CEP135: variants seen among roughly 807,000 people sequenced by gnomAD.
The protein encoded by CEP135 is centrosomal protein 135.
A neutral mutation model predicts 157.3 loss-of-function variants in CEP135; 142 were observed. The observed-to-expected ratio is 0.90, with a 90% CI of 0.79 to 1.04. CEP135 has a LOEUF of 1.04. Among genes scored for constraint, CEP135 ranks in the 50% least tolerant of loss-of-function variants. The pLI is 0.00. For missense variants in CEP135, 1,317 were observed against 1,309.2 expected (o/e 1.01, Z -0.09); for synonymous variants, 396 against 439.8 (o/e 0.90, Z 1.25).
chr4:55,964,362 A>G lies in CEP135; in HGVS notation c.788A>G (p.Asn263Ser), dbSNP rs762997285. Residue 263 changes from asparagine (N) to serine (S), a missense_variant, in exon 7 of 26, where the codon AAT becomes AGT. Transcript: ENST00000257287. The stretch of plus-strand genomic sequence containing the variant: ...GATGTCCTTTCTCTGGAGTCTAGAA[A>G]TAAAACCAATGAAAAGCTTATTGCT... ...SPDVLSLESR[N>S]KTNEKLIAHL... 1.9e-6 allele frequency: 3 copies of G among 1,611,876 alleles called. No homozygotes were observed. Among genetic ancestry groups the G allele is most frequent in the Non-Finnish European group, 2.5e-6 (3 of 1,178,460 alleles).
chr4:55,972,821 C>T (rs967337555), intron 10 of CEP135, among the ~76,000 whole-genome samples: 14 of 152,092 alleles, frequency 9.2e-5, no homozygotes, highest in East Asian at 1.9e-4. Context: ...CACCTGAGGT[C>T]GGGAGTTCAA....
chr4:56,019,439 C>A lies in CEP135; in HGVS notation c.3099C>A (p.Leu1033=), dbSNP rs150201643. The A allele has an allele frequency of 6.2e-7, 1 of 1,613,782 alleles. No individual in the cohort carries two copies. Among genetic ancestry groups the A allele is most frequent in the Non-Finnish European group, 8.5e-7 (1 of 1,179,832 alleles). ...ATGAGAGACATACAGTTAAAAACCT[C>A]GAATCATTGTTGGCTACAAACAGAG... ...LSNERHTVKN[L]ESLLATNRDK... is the part of the protein sequence containing the mutation. Residue 1033 remains leucine, a synonymous_variant, in exon 23 of 26, where the codon CTC becomes CTA. Transcript: ENST00000257287.
chr4:56,015,013 G>C (rs1730722956), intron 21 of CEP135, among the ~76,000 whole-genome samples: 1 of 152,074 alleles, frequency 6.6e-6, no homozygotes, highest in Non-Finnish European at 1.5e-5. Flanking sequence ...CTGCACTCCA[G>C]CCTGGGTGAC....
chr4:55,994,128 G>A (rs1353921236), intron 15 of CEP135, among the ~76,000 whole-genome samples: 3 of 152,128 alleles, frequency 2.0e-5, no homozygotes, highest in Non-Finnish European at 2.9e-5. Flanking sequence ...ATGATACCCG[G>A]CACTCTTGGG....
intron 21 of CEP135, among the ~76,000 whole-genome samples, chr4:56,017,101 C>A (rs540573019): frequency 6.6e-6 from 1 of 151,526 alleles, no homozygotes; most frequent in South Asian, 2.1e-4. Context: ...GTGGATTCTT[C>A]TAGAAAAAAA....
At position 55,959,772 on chromosome 4, in the gene CEP135, A is replaced by G. The variant is rs776379681; in HGVS notation, c.699+6A>G. The G allele has an allele frequency of 1.9e-6, 3 of 1,604,144 alleles. No individual in the cohort carries two copies. Among genetic ancestry groups the G allele is most frequent in the Non-Finnish European group, 2.6e-6 (3 of 1,171,016 alleles). ...TGAGAGACTATAGCAAGCAGGTAGGATTTTTATTTACTTGCATAGTAGGGA... is the reference window on the plus strand; with the variant it reads ...TGAGAGACTATAGCAAGCAGGTAGGGTTTTTATTTACTTGCATAGTAGGGA... On this transcript the variant is annotated splice_donor_region_variant and intron_variant, in intron 6 of 25. Coordinates refer to ENST00000257287, the MANE Select transcript of CEP135 (RefSeq NM_025009.5).
chr4:55,972,111 C>T (rs1729046710), intron 10 of CEP135, among the ~76,000 whole-genome samples: 1 of 152,016 alleles, frequency 6.6e-6, no homozygotes, highest in Non-Finnish European at 1.5e-5. Flanking sequence ...AATCGTGCCA[C>T]TGCACTCCAG....
Position 56,032,709 on chromosome 4 carries a change from G to A in CEP135, c.*1361G>A, listed in dbSNP as rs1452850497. The stretch of plus-strand genomic sequence containing the variant: ...AACAGAAGTACAAAAAAGAATATCA[G>A]ATACAAAAATCAATCGTGAAGAAAA... On this transcript the variant is annotated 3_prime_UTR_variant, in exon 26 of 26. Transcript: ENST00000257287. 1.3e-5 allele frequency: 2 copies of A among 152,048 alleles called. No homozygotes were observed. Among genetic ancestry groups the A allele is most frequent in the East Asian group, 3.9e-4 (2 of 5,190 alleles). The allele number at this position is 152,048 out of a possible 1,614,324, so 9.4% of individuals were successfully genotyped here.
In CEP135 at chr4:55,992,042, G is replaced by C. The variant is rs139076012; in HGVS notation, c.1966G>C (p.Ala656Pro). 32 of 1,608,096 alleles carry C rather than the reference G, an allele frequency of 2.0e-5. No individual in the cohort carries two copies. In the African/African-American group the frequency reaches 4.0e-4, roughly 20 times the overall value. ...KVQAQKFSHV[A>P]GDSSHQKTEV... ...CCAAGCTCAAAAATTTAGCCATGTGGCTGGTGACTCATCTCATCAGAAAAC... is the reference window on the plus strand; with the variant it reads ...CCAAGCTCAAAAATTTAGCCATGTGCCTGGTGACTCATCTCATCAGAAAAC... Residue 656 changes from alanine to proline, a missense_variant, in exon 15 of 26, where the codon GCT (alanine) becomes CCT (proline). Ala to Pro is a conservative substitution (Grantham distance 27, BLOSUM62 -1). Transcript: ENST00000257287.
chr4:55,985,961 A>G (rs1214667875), intron 14 of CEP135, among the ~76,000 whole-genome samples: 1 of 152,052 alleles, frequency 6.6e-6, no homozygotes, highest in Middle Eastern at 3.2e-3. Context: ...ACAAAATAGT[A>G]TACTAGAAAA....
At chr4:55,955,719 C>T (rs191216889) in intron 4 of CEP135, among the ~76,000 whole-genome samples, 4 of 152,216 alleles carry the variant, frequency 2.6e-5, no homozygotes, top group Non-Finnish European at 2.9e-5. Context: ...ACTTCTCTTT[C>T]GAGTGAATGA....
intron 13 of CEP135, among the ~76,000 whole-genome samples, chr4:55,981,754 A>T (rs1310463025): frequency 6.6e-6 from 1 of 152,194 alleles, no homozygotes; most frequent in African/African-American, 2.4e-5. Context: ...CATACCATAC[A>T]ATTCACCCAC....
rs574465779 is a variant in CEP135, at chr4:55,997,610, TGTA to T, written c.2010-1687_2010-1685del. On this transcript the variant is annotated intron_variant, in intron 15 of 25. Coordinates refer to ENST00000257287, the MANE Select transcript of CEP135 (RefSeq NM_025009.5). Reference sequence around the variant, plus strand: ...ATATTCTGCAAAGAAGGCATTATGATGTAGTAGAAGAACATTGTTATAATGTTA... The same window carrying T: ...ATATTCTGCAAAGAAGGCATTATGATGTAGAAGAACATTGTTATAATGTTA... Among the ~76,000 whole-genome samples the T allele has an allele frequency of 2.3e-3, 351 of 152,352 alleles. 1 individual carries two copies. The highest frequency in any genetic ancestry group is 7.7e-3 in the African/African-American group (320 of 41,580).
intron 10 of CEP135, among the ~76,000 whole-genome samples, chr4:55,972,822 G>A (rs979696707): frequency 2.0e-5 from 3 of 151,988 alleles, no homozygotes; most frequent in South Asian, 2.1e-4. Context: ...ACCTGAGGTC[G>A]GGAGTTCAAG....
chr4:55,993,252 C>T (rs1213055637), intron 15 of CEP135, among the ~76,000 whole-genome samples: 5 of 151,902 alleles, frequency 3.3e-5, no homozygotes, highest in South Asian at 2.1e-4. Flanking sequence ...TTCCAATATA[C>T]AAAAAACTAG....
chr4:55,985,000 A>C (rs1218500733), intron 13 of CEP135, among the ~76,000 whole-genome samples: 1 of 152,184 alleles, frequency 6.6e-6, no homozygotes, highest in African/African-American at 2.4e-5. Context: ...ATTATGGATT[A>C]ATCTGTATAA....
chr4:55,992,182 A>G lies in CEP135; in HGVS notation c.2009+97A>G. On this transcript the variant is annotated intron_variant, in intron 15 of 25. Transcript: ENST00000257287. ...GGCATTTTGGACTGGGCCTTTGTGCAGTAGTTTTAGAAGTTGGCTTTGCAG... is the reference window on the plus strand; with the variant it reads ...GGCATTTTGGACTGGGCCTTTGTGCGGTAGTTTTAGAAGTTGGCTTTGCAG... 4.2e-6 allele frequency: 5 copies of G among 1,203,060 alleles called. 1 individual carries two copies. In the South Asian group the frequency reaches 4.5e-5, roughly 11 times the overall value. The allele number at this position is 1,203,060 out of a possible 1,614,324, so 74.5% of individuals were successfully genotyped here. A position where few individuals can be genotyped will look rare whatever the true frequency, so the allele number is the denominator to read the frequency against.
intron 4 of CEP135, 23 bp downstream of exon 4, chr4:55,954,406 C>CA: frequency 6.4e-7 from 1 of 1,567,966 alleles, no homozygotes. Flanking sequence ...CTTCTCGAGA[C>CA]AAATTATACA....
intron 17 of CEP135, among the ~76,000 whole-genome samples, chr4:56,003,450 C>T (rs891547932): frequency 1.1e-4 from 16 of 152,124 alleles, no homozygotes; most frequent in East Asian, 1.9e-4. Flanking sequence ...CCTACTGATC[C>T]GCCCGCCTCG....
Sources: gnomAD v4.1 joint callset for allele counts (sites outside exome capture counted in the v4.1 genomes callset) on GRCh38, gnomAD v4.1.1 for gene constraint, MANE v1.5 for transcripts, NCBI Gene and HGNC (gene_info 2026-07-23, HGNC 2026-07-21) for gene names.